SIL1: variants seen among roughly 807,000 people sequenced by gnomAD.
The protein encoded by SIL1 is nucleotide exchange factor SIL1.
A neutral mutation model predicts 49.1 loss-of-function variants in SIL1; 40 were observed. That is an observed-to-expected ratio of 0.81 (90% CI 0.63 to 1.06). SIL1 has a LOEUF of 1.06. Ranked by LOEUF, SIL1 falls within the 50% of genes least tolerant of loss-of-function variation. The pLI, the probability that SIL1 is intolerant of heterozygous loss-of-function variation, is 0.00. For missense variants in SIL1, 500 were observed against 572.6 expected (o/e 0.87, Z 1.29); for synonymous variants, 253 against 250.8 (o/e 1.01, Z -0.08).
At chr5:139,125,224 G>C (rs1248955822) in intron 2 of SIL1, among the ~76,000 whole-genome samples, 1 of 152,224 alleles carries the variant, frequency 6.6e-6, no homozygotes, top group Non-Finnish European at 1.5e-5. Context: ...TGCCTTCCCA[G>C]CTGGCTTCTC....
chr5:139,054,237 G>A (rs1227612236), intron 3 of SIL1, among the ~76,000 whole-genome samples: 1 of 152,098 alleles, frequency 6.6e-6, no homozygotes, highest in Admixed American at 6.5e-5. Flanking sequence ...GACCCCGTCT[G>A]TACAAAAAAA....
In SIL1 at chr5:139,198,349, A is replaced by C. The variant is rs1296629070; in HGVS notation, c.-91T>G. 1.3e-5 allele frequency: 2 copies of C among 152,096 alleles called. No homozygotes were observed. The highest frequency in any genetic ancestry group is 2.4e-5 in the African/African-American group (1 of 41,426). The allele number at this position is 152,096 out of a possible 1,614,324, so 9.4% of individuals were successfully genotyped here. On this transcript the variant is annotated 5_prime_UTR_variant, in exon 1 of 10. Coordinates refer to ENST00000394817, the MANE Select transcript of SIL1 (RefSeq NM_022464.5). ...CGGCGGCGACCAGCTCCCCCTGCGC[A>C]AACGCGGCGGCGACCGTCTGAGCCG...
intron 1 of SIL1, among the ~76,000 whole-genome samples, chr5:139,174,994 T>G (rs567372364): frequency 6.8e-6 from 1 of 146,250 alleles, no homozygotes; most frequent in Non-Finnish European, 1.5e-5. Context: ...AGTGGAGATA[T>G]TACCACTGAT....
At chr5:139,071,830 C>A (rs1769841601) in intron 3 of SIL1, among the ~76,000 whole-genome samples, 1 of 151,970 alleles carries the variant, frequency 6.6e-6, no homozygotes, top group Admixed American at 6.6e-5. Context: ...TCAAATCTGG[C>A]TAATTTTTGT....
At chr5:139,192,448 T>G (rs1301005198) in intron 1 of SIL1, among the ~76,000 whole-genome samples, 1 of 152,192 alleles carries the variant, frequency 6.6e-6, no homozygotes, top group African/African-American at 2.4e-5. Flanking sequence ...GATCAAGAAC[T>G]TCCTCAGTCA....
intron 7 of SIL1, among the ~76,000 whole-genome samples, chr5:138,969,471 G>A (rs999357824): frequency 1.3e-5 from 2 of 152,230 alleles, no homozygotes; most frequent in African/African-American, 2.4e-5. Flanking sequence ...TGTCAGGTCA[G>A]CATGGTATCA....
chr5:139,111,323 T>A (rs1323565003), intron 3 of SIL1, among the ~76,000 whole-genome samples: 1 of 152,196 alleles, frequency 6.6e-6, no homozygotes, highest in Non-Finnish European at 1.5e-5. Flanking sequence ...CTCAGTCTCA[T>A]CACATTTATG....
intron 3 of SIL1, among the ~76,000 whole-genome samples, chr5:139,111,978 G>C (rs1346556628): frequency 6.6e-6 from 1 of 152,242 alleles, no homozygotes; most frequent in Non-Finnish European, 1.5e-5. Context: ...CCGAGCGCCT[G>C]CGATTGCAGG....
At chr5:139,030,472 G>A (rs1027622889) in intron 5 of SIL1, among the ~76,000 whole-genome samples, 1 of 150,284 alleles carries the variant, frequency 6.7e-6, no homozygotes, top group Non-Finnish European at 1.5e-5. Context: ...GCAAGACTCT[G>A]TCTCAAAAAA....
chr5:139,003,222 A>C (rs962083956), intron 7 of SIL1, among the ~76,000 whole-genome samples: 9 of 151,872 alleles, frequency 5.9e-5, no homozygotes, highest in African/African-American at 2.2e-4. Context: ...GGACTCTCCC[A>C]CCCCCCAACT....
intron 7 of SIL1, among the ~76,000 whole-genome samples, chr5:139,010,349 T>C (rs1768225355): frequency 1.3e-5 from 2 of 150,114 alleles, no homozygotes; most frequent in East Asian, 2.0e-4. Flanking sequence ...TTGGTTATTC[T>C]AGTTATACAT....
At chr5:139,027,681 A>G (rs1210434094) in intron 5 of SIL1, among the ~76,000 whole-genome samples, 2 of 152,224 alleles carry the variant, frequency 1.3e-5, no homozygotes, top group Non-Finnish European at 2.9e-5. Context: ...GAGGTGAATA[A>G]AAGACTTTAA....
chr5:139,137,283 CTCATTTTACCCATGAGGG>C (rs1750992854), intron 1 of SIL1: 2 of 702,046 alleles, frequency 2.8e-6, no homozygotes, highest in Admixed American at 4.0e-5. Context: ...CAATATGCTG[CTCATTTTACCCATGAGGG>C]GACCAAAATT....
At chr5:139,145,189 C>T (rs892869869) in intron 1 of SIL1, among the ~76,000 whole-genome samples, 1 of 152,146 alleles carries the variant, frequency 6.6e-6, no homozygotes, top group Admixed American at 6.5e-5. Flanking sequence ...CTTGAATAGA[C>T]ATCTCTCCAT....
At chr5:139,108,128 T>G (rs902102403) in intron 3 of SIL1, 2 of 152,210 alleles carry the variant, frequency 1.3e-5, no homozygotes, top group African/African-American at 4.8e-5. Flanking sequence ...GCTTTATCTT[T>G]CTTCCAAAGA....
At chr5:139,044,991 G>A (rs958922545) in intron 4 of SIL1, among the ~76,000 whole-genome samples, 20 of 152,072 alleles carry the variant, frequency 1.3e-4, no homozygotes, top group African/African-American at 4.3e-4. Flanking sequence ...GACCAAATCC[G>A]ATGGACCCTT....
At chr5:138,987,046 G>T (rs1421670052) in intron 7 of SIL1, among the ~76,000 whole-genome samples, 1 of 151,496 alleles carries the variant, frequency 6.6e-6, no homozygotes, top group Non-Finnish European at 1.5e-5. Flanking sequence ...GGGTCAATTT[G>T]ATATTTGATG....
At chr5:138,996,926 G>C (rs1045798587) in intron 7 of SIL1, among the ~76,000 whole-genome samples, 1 of 152,054 alleles carries the variant, frequency 6.6e-6, no homozygotes, top group South Asian at 2.1e-4. Context: ...CAATGTCCTG[G>C]AGCCTTTCTC....
intron 7 of SIL1, among the ~76,000 whole-genome samples, chr5:138,971,817 T>C (rs1196873818): frequency 6.6e-6 from 1 of 152,124 alleles, no homozygotes; most frequent in Non-Finnish European, 1.5e-5. Flanking sequence ...GGGCTCACAG[T>C]GGGGCTCTCC....
Sources: gnomAD v4.1 joint callset for allele counts (sites outside exome capture counted in the v4.1 genomes callset) on GRCh38, gnomAD v4.1.1 for gene constraint, MANE v1.5 for transcripts, NCBI Gene and HGNC (gene_info 2026-07-23, HGNC 2026-07-21) for gene names.